Variants in DNAJC10 observed in about 807,000 individuals in gnomAD.
DNAJC10 encodes DnaJ heat shock protein family (Hsp40) member C10.
DNAJC10 carries 101 observed loss-of-function variants against 115.0 expected under a neutral mutation model. The observed-to-expected ratio is 0.88, with a 90% confidence interval of 0.75 to 1.04. The LOEUF (loss-of-function observed/expected upper bound fraction) is 1.04, where lower values mean the gene tolerates loss of function less well. DNAJC10 is among the 50% of genes least tolerant of loss of function. DNAJC10 has a pLI of 0.00. For missense variants in DNAJC10, 981 were observed against 928.8 expected (o/e 1.06, Z -0.73); for synonymous variants, 307 against 301.5 (o/e 1.02, Z -0.19).
chr2:182,762,568 T>TA (rs916929058), intron 21 of DNAJC10, 114 bp from the exon 22 acceptor site: 3 of 1,126,902 alleles, frequency 2.7e-6, no homozygotes, highest in Middle Eastern at 2.4e-4. Context: ...TAGGAAGAAT[T>TA]AAAGTTTTTT....
Position 182,784,124 on chromosome 2 carries a change from C to G in DNAJC10, c.*6992C>G, listed in dbSNP as rs1694903960. 1 of 152,070 alleles carries G rather than the reference C, an allele frequency of 6.6e-6. No individual in the cohort carries two copies. The highest frequency in any genetic ancestry group is 2.4e-5 in the African/African-American group (1 of 41,378). The allele number at this position is 152,070 out of a possible 1,614,324, so 9.4% of individuals were successfully genotyped here. A position where few individuals can be genotyped will look rare whatever the true frequency, so the allele number is the denominator to read the frequency against. On this transcript the variant is annotated 3_prime_UTR_variant, in exon 24 of 24. Coordinates refer to ENST00000264065, the MANE Select transcript of DNAJC10 (RefSeq NM_018981.4). ...GAAGGATCACTTAAGGCCAGGAGTT[C>G]AAGACCAGCCTAGCCAACATAGTGA...
chr2:182,737,211 A>T (rs1487846714), intron 11 of DNAJC10, among the ~76,000 whole-genome samples: 1 of 152,150 alleles, frequency 6.6e-6, no homozygotes, highest in Non-Finnish European at 1.5e-5. Flanking sequence ...ACTGAAGCTC[A>T]ATCTAGTTGT....
rs1694317154 is a variant in DNAJC10, at chr2:182,762,762, C to T, written c.2226C>T (p.Ala742=). 6.2e-7 allele frequency: 1 copy of T among 1,612,522 alleles called. No homozygotes were observed. The highest frequency in any genetic ancestry group is 8.5e-7 in the Non-Finnish European group (1 of 1,178,868). ...CATGCCAGAAAGCTGGGATCAGGGC[C>T]TATCCAACTGTTAAATTTTATTTCT... ...AQTCQKAGIR[A]YPTVKFYFYE... The change falls in exon 22 of 24, where the codon GCC becomes GCT. Residue 742 remains alanine, a synonymous_variant. Coordinates refer to ENST00000264065, the MANE Select transcript of DNAJC10 (RefSeq NM_018981.4).
intron 13 of DNAJC10, among the ~76,000 whole-genome samples, chr2:182,742,159 T>C (rs1041613291): frequency 6.6e-6 from 1 of 152,190 alleles, no homozygotes; most frequent in South Asian, 2.1e-4. Context: ...TATCAAACGA[T>C]GCAGAACTTG....
At chr2:182,730,602 C>A (rs1693419572) in intron 8 of DNAJC10, 3 of 446,176 alleles carry the variant, frequency 6.7e-6, no homozygotes, top group South Asian at 3.2e-5. Context: ...GAAAATACTT[C>A]TTGAAAGAAG....
intron 22 of DNAJC10, among the ~76,000 whole-genome samples, chr2:182,770,346 G>A (rs1222898651): frequency 1.3e-5 from 2 of 152,092 alleles, no homozygotes; most frequent in Non-Finnish European, 2.9e-5. Flanking sequence ...TTTCAATTCT[G>A]TAAGGAAAGT....
chr2:182,731,609 CTG>C (rs1338183544), intron 9 of DNAJC10, among the ~76,000 whole-genome samples: 1 of 152,130 alleles, frequency 6.6e-6, no homozygotes, highest in East Asian at 1.9e-4. Context: ...AAGCCGTAAA[CTG>C]TAAACTGTGT....
chr2:182,747,449 C>A (rs1693897630), intron 14 of DNAJC10, among the ~76,000 whole-genome samples: 1 of 126,566 alleles, frequency 7.9e-6, no homozygotes, highest in Non-Finnish European at 1.7e-5. Context: ...TCCTTCACAT[C>A]CCTTGTAAGT....
At chr2:182,763,689 A>G (rs1406765286) in intron 22 of DNAJC10, among the ~76,000 whole-genome samples, 1 of 152,050 alleles carries the variant, frequency 6.6e-6, no homozygotes, top group Non-Finnish European at 1.5e-5. Context: ...GTATTTTTCC[A>G]TGCCCCGACC....
chr2:182,719,940 A>G (rs1042775372), intron 3 of DNAJC10, 67 bp from the exon 4 acceptor site: 2 of 940,260 alleles, frequency 2.1e-6, no homozygotes, highest in Admixed American at 2.6e-5. Context: ...AAACCTACAT[A>G]TATGTTTTGA....
intron 22 of DNAJC10, among the ~76,000 whole-genome samples, chr2:182,775,072 T>C (rs1447287425): frequency 1.5e-5 from 1 of 67,872 alleles, no homozygotes; most frequent in African/African-American, 3.7e-5. Context: ...TCAGTGATGC[T>C]TTTTTTTTTT....
Position 182,784,575 on chromosome 2 carries a change from T to C in DNAJC10, c.*7443T>C, listed in dbSNP as rs1260702248. On this transcript the variant is annotated 3_prime_UTR_variant, in exon 24 of 24. Coordinates refer to ENST00000264065, the MANE Select transcript of DNAJC10 (RefSeq NM_018981.4). ...TAAAACTAATTTGCCAGAGCTCTAC[T>C]GTGATAAGAATTTCTGACTAGAAAT... 1 of 152,228 alleles carries C rather than the reference T, an allele frequency of 6.6e-6. No individual in the cohort carries two copies. The highest frequency in any genetic ancestry group is 1.5e-5 in the Non-Finnish European group (1 of 68,044). 9.4% of individuals were successfully genotyped at this position (152,228 alleles called of 1,614,324 possible).
At chr2:182,717,889 CTAT>C (rs1693036194) in intron 2 of DNAJC10, 49 bp from the exon 3 acceptor site, 2 of 430,310 alleles carry the variant, frequency 4.6e-6, no homozygotes, top group East Asian at 3.6e-5. Flanking sequence ...ATAAATTGTG[CTAT>C]TATTGTTTAG....
At chr2:182,735,625 C>T (rs981062700) in intron 10 of DNAJC10, among the ~76,000 whole-genome samples, 3 of 151,968 alleles carry the variant, frequency 2.0e-5, no homozygotes, top group East Asian at 1.9e-4. Context: ...TCTCATTCTC[C>T]CTTATCTTTC....
intron 14 of DNAJC10, among the ~76,000 whole-genome samples, chr2:182,746,173 T>C (rs1196966462): frequency 2.6e-5 from 4 of 152,220 alleles, no homozygotes; most frequent in Non-Finnish European, 5.9e-5. Flanking sequence ...TCTTTGCTAT[T>C]GTGAATAATG....
intron 10 of DNAJC10, among the ~76,000 whole-genome samples, chr2:182,734,730 T>G: frequency 6.6e-6 from 1 of 151,862 alleles, no homozygotes; most frequent in East Asian, 1.9e-4. Context: ...ATTATCTATT[T>G]TGATGCTTTG....
intron 21 of DNAJC10, among the ~76,000 whole-genome samples, chr2:182,762,124 A>G (rs559354716): frequency 2.5e-4 from 37 of 150,220 alleles, no homozygotes; most frequent in African/African-American, 8.4e-4. Flanking sequence ...ATAAGCAGAC[A>G]ATGGGAAGCA....
rs1031886334 is a variant in DNAJC10, at chr2:182,778,782, C to G, written c.*1650C>G. ...GAATTATGATCAGTAATGGCAAGAGCCTTTCATTCTCGAATGTTTAAAGCC... is the reference window on the plus strand; with the variant it reads ...GAATTATGATCAGTAATGGCAAGAGGCTTTCATTCTCGAATGTTTAAAGCC... On this transcript the variant is annotated 3_prime_UTR_variant, in exon 24 of 24. Transcript: ENST00000264065. The G allele has an allele frequency of 2.0e-5, 3 of 152,180 alleles. No individual in the cohort carries two copies. Among genetic ancestry groups the G allele is most frequent in the Admixed American group, 2.0e-4 (3 of 15,266 alleles). The allele number at this position is 152,180 out of a possible 1,614,324, so 9.4% of individuals were successfully genotyped here.
Position 182,777,133 on chromosome 2 carries a change from T to TAC in DNAJC10, c.*2_*3insCA, listed in dbSNP as rs1472423255. 2 of 1,413,938 alleles carry TAC rather than the reference T, an allele frequency of 1.4e-6. No individual in the cohort carries two copies. Among genetic ancestry groups the TAC allele is most frequent in the African/African-American group, 1.4e-5 (1 of 69,468 alleles). 87.6% of individuals were successfully genotyped at this position (1,413,938 alleles called of 1,614,324 possible). ...ATTATTATTATAGGATGAACTTTGA[T>TAC]AATGTTGAAGATGAAGAAAAAGTTT... On this transcript the variant is annotated 3_prime_UTR_variant, in exon 24 of 24. Transcript: ENST00000264065.
Sources: gnomAD v4.1 joint callset for allele counts (sites outside exome capture counted in the v4.1 genomes callset) on GRCh38, gnomAD v4.1.1 for gene constraint, MANE v1.5 for transcripts, NCBI Gene and HGNC (gene_info 2026-07-23, HGNC 2026-07-21) for gene names.